DCC: variants seen among roughly 807,000 people sequenced by gnomAD.
DCC encodes the protein netrin receptor DCC.
DCC carries 58 observed loss-of-function variants against 172.5 expected under a neutral mutation model. That is an observed-to-expected ratio of 0.34 (90% CI 0.27 to 0.42). DCC has a LOEUF of 0.42. Ranked by LOEUF, DCC falls within the 10% of genes least tolerant of loss-of-function variation. The probability of loss-of-function intolerance (pLI) is 1.00; values close to 1 mark genes in which losing one functional copy is unlikely to be tolerated. For synonymous variants in DCC, 709 were observed against 644.5 expected (o/e 1.10, Z -1.52); for missense variants, 1,740 against 1,791.0 (o/e 0.97, Z 0.51).
At chr18:53,514,732 T>C (rs12954741) in intron 27 of DCC, among the ~76,000 whole-genome samples, 4 of 148,296 alleles carry the variant, frequency 2.7e-5, no homozygotes, top group Non-Finnish European at 6.0e-5. Flanking sequence ...ACATACACTC[T>C]CCCAAGACTA....
intron 1 of DCC, among the ~76,000 whole-genome samples, chr18:52,573,320 G>C (rs1051800920): frequency 2.0e-5 from 3 of 152,078 alleles, no homozygotes; most frequent in Non-Finnish European, 2.9e-5. Flanking sequence ...GGGCAAGAAG[G>C]AGAGCTTTTA....
intron 3 of DCC, 40 bp downstream of exon 3, chr18:52,906,368 C>A: frequency 1.9e-6 from 3 of 1,605,504 alleles, no homozygotes; most frequent in Admixed American, 3.3e-5. Context: ...ATGATATTCT[C>A]TGGAATAAGT....
At chr18:52,707,423 A>G (rs1404422933) in intron 1 of DCC, among the ~76,000 whole-genome samples, 3 of 152,218 alleles carry the variant, frequency 2.0e-5, no homozygotes, top group Non-Finnish European at 4.4e-5. Context: ...AAAACTATAT[A>G]CAGCCATTAT....
rs571855977 is a variant in DCC, at chr18:53,467,451, G to T, written c.3620-443G>T. On this transcript the variant is annotated intron_variant, in intron 24 of 28. Coordinates refer to ENST00000442544, the MANE Select transcript of DCC (RefSeq NM_005215.4). ...TTTTGTAATAAAATTTAATATGGTT[G>T]GGCTTAAAGTATTAGTTGAATGAAT... Among the ~76,000 whole-genome samples, 16 of 151,976 alleles carry T rather than the reference G, an allele frequency of 1.1e-4. 1 individual carries two copies. The South Asian group carries it at 3.1e-3, about 30-fold the overall frequency.
chr18:53,165,099 C>T (rs2054896315), intron 8 of DCC, among the ~76,000 whole-genome samples: 1 of 152,100 alleles, frequency 6.6e-6, no homozygotes, highest in South Asian at 2.1e-4. Context: ...GAGCATCATT[C>T]AATTTAATCC....
chr18:53,315,799 T>G (rs1568050984), intron 13 of DCC, among the ~76,000 whole-genome samples: 1 of 152,302 alleles, frequency 6.6e-6, no homozygotes, highest in East Asian at 1.9e-4. Context: ...CATTGCCCAC[T>G]TTTTGATGGG....
At chr18:52,365,946 A>G (rs1984828449) in intron 1 of DCC, among the ~76,000 whole-genome samples, 1 of 152,192 alleles carries the variant, frequency 6.6e-6, no homozygotes, top group South Asian at 2.1e-4. Context: ...CCCCTGTACC[A>G]GGCTCTTACC....
At chr18:52,572,446 C>A (rs922806722) in intron 1 of DCC, among the ~76,000 whole-genome samples, 1 of 152,212 alleles carries the variant, frequency 6.6e-6, no homozygotes, top group African/African-American at 2.4e-5. Flanking sequence ...GAGGTCTCCA[C>A]TGATGACAGC....
intron 2 of DCC, among the ~76,000 whole-genome samples, chr18:52,852,784 A>C (rs2038996584): frequency 6.6e-6 from 1 of 152,206 alleles, no homozygotes; most frequent in African/African-American, 2.4e-5. Context: ...ATGAACATTC[A>C]GATAATATGG....
chr18:53,076,689 C>A (rs2042729377), intron 7 of DCC, among the ~76,000 whole-genome samples: 1 of 152,128 alleles, frequency 6.6e-6, no homozygotes, highest in African/African-American at 2.4e-5. Flanking sequence ...GGAAAAGCAA[C>A]CCATTTCCAG....
intron 5 of DCC, among the ~76,000 whole-genome samples, chr18:52,932,837 T>G (rs1186418180): frequency 6.6e-6 from 1 of 152,130 alleles, no homozygotes; most frequent in African/African-American, 2.4e-5. Flanking sequence ...ATACATGCAC[T>G]TACTCTCTAT....
intron 26 of DCC, among the ~76,000 whole-genome samples, chr18:53,494,482 A>T (rs2045995701): frequency 6.6e-6 from 1 of 152,190 alleles, no homozygotes; most frequent in Non-Finnish European, 1.5e-5. Context: ...TTGCTTTATG[A>T]ATCTGGGTGC....
intron 1 of DCC, among the ~76,000 whole-genome samples, chr18:52,660,442 G>T (rs1444570687): frequency 6.6e-6 from 1 of 152,010 alleles, no homozygotes; most frequent in African/African-American, 2.4e-5. Flanking sequence ...TGCCTGGACT[G>T]GTATTGACTA....
rs544354392 is a variant in DCC, at chr18:52,385,543, G to A, written c.91+44665G>A. ...TTTTAGAGCAGCTAGTTTATTCCCAGCTTCCAAAGAAGATCCCATTCCAGG... is the reference window on the plus strand; with the variant it reads ...TTTTAGAGCAGCTAGTTTATTCCCAACTTCCAAAGAAGATCCCATTCCAGG... On this transcript the variant is annotated intron_variant, in intron 1 of 28. Coordinates refer to ENST00000442544, the MANE Select transcript of DCC (RefSeq NM_005215.4). Among the ~76,000 whole-genome samples, 3 of 152,112 alleles carry A rather than the reference G, an allele frequency of 2.0e-5. No individual in the cohort carries two copies. In the East Asian group the frequency reaches 5.8e-4, roughly 30 times the overall value.
intron 27 of DCC, among the ~76,000 whole-genome samples, chr18:53,524,050 G>C (rs938270787): frequency 6.6e-6 from 1 of 151,970 alleles, no homozygotes. Context: ...GGAGGAATAA[G>C]TTCAAGAGAT....
chr18:52,561,475 TAC>T (rs953364509), intron 1 of DCC, among the ~76,000 whole-genome samples: 2 of 151,962 alleles, frequency 1.3e-5, no homozygotes, highest in African/African-American at 2.4e-5. Context: ...TATATACATA[TAC>T]ACACACACAT....
Position 52,925,577 on chromosome 18 carries a change from A to G in DCC, c.985+207A>G, listed in dbSNP as rs553793227. Among the ~76,000 whole-genome samples the G allele has an allele frequency of 4.6e-5, 7 of 152,146 alleles. No individual in the cohort carries two copies. In the East Asian group the frequency reaches 7.7e-4, roughly 17 times the overall value. On this transcript the variant is annotated intron_variant, in intron 5 of 28. Transcript: ENST00000442544. Reference sequence around the variant, plus strand: ...AATACTTATTAATTAAAATCCAGATATATTATGCTTTAGTCTAATTATTCC... The same window carrying G: ...AATACTTATTAATTAAAATCCAGATGTATTATGCTTTAGTCTAATTATTCC...
At chr18:53,021,290 G>C (rs899697864) in intron 5 of DCC, among the ~76,000 whole-genome samples, 4 of 152,200 alleles carry the variant, frequency 2.6e-5, no homozygotes, top group Non-Finnish European at 1.5e-5. Flanking sequence ...TTCTGAAGCT[G>C]AAAACACAGT....
intron 21 of DCC, among the ~76,000 whole-genome samples, chr18:53,426,845 A>G (rs562089234): frequency 6.6e-6 from 1 of 152,088 alleles, no homozygotes; most frequent in African/African-American, 2.4e-5. Context: ...CTGTGCTCCA[A>G]CAGTGTCGTT....
Sources: gnomAD v4.1 joint callset for allele counts (sites outside exome capture counted in the v4.1 genomes callset) on GRCh38, gnomAD v4.1.1 for gene constraint, MANE v1.5 for transcripts, NCBI Gene and HGNC (gene_info 2026-07-23, HGNC 2026-07-21) for gene names.